GUCY1A2: variants seen among roughly 807,000 people sequenced by gnomAD.
GUCY1A2 encodes the protein guanylate cyclase 1 soluble subunit alpha 2.
In GUCY1A2, 27 loss-of-function variants were observed where a neutral mutation model predicts 63.5. The ratio of observed to expected loss-of-function variants is 0.43; its 90% CI spans 0.31 to 0.59. The LOEUF (loss-of-function observed/expected upper bound fraction) is 0.59, where lower values mean the gene tolerates loss of function less well. Ranked by LOEUF, GUCY1A2 falls within the 20% of genes least tolerant of loss-of-function variation. The pLI is 0.11. For missense variants in GUCY1A2, 768 were observed against 913.3 expected, an observed-to-expected ratio of 0.84 and a Z score of 2.05; for synonymous variants, 364 against 343.5, an observed-to-expected ratio of 1.06 and a Z score of -0.66.
intron 4 of GUCY1A2, among the ~76,000 whole-genome samples, chr11:106,895,478 G>A (rs890498123): frequency 1.3e-5 from 2 of 152,108 alleles, no homozygotes; most frequent in Non-Finnish European, 2.9e-5. Flanking sequence ...AATGAATCAT[G>A]GGGGCAGGTT....
At position 106,687,603 on chromosome 11, in the gene GUCY1A2, T is replaced by C. The variant is rs959526006; in HGVS notation, c.2145A>G (p.Ile715Met). The change falls in exon 8 of 8, where the codon ATA becomes ATG. Residue 715 changes from isoleucine (I) to methionine (M), a missense_variant. Physicochemically the swap from Ile to Met is conservative, Grantham distance 10. This residue lies in a region of GUCY1A2 where 150 missense variants were observed against 188.3 expected (regional missense o/e 0.80). Transcript: ENST00000526355. Reference sequence around the variant, plus strand: ...TGCCGATGTTGTAGGAAACCTTTTTTATTCTCGACGAAGAAAGAGAAGGCT... The same window carrying C: ...TGCCGATGTTGTAGGAAACCTTTTTCATTCTCGACGAAGAAAGAGAAGGCT... ...PPKPSLSSSR[I>M]KKVSYNIGTM... The C allele has an allele frequency of 1.2e-6, 2 of 1,614,036 alleles. No individual in the cohort carries two copies. Among genetic ancestry groups the C allele is most frequent in the Admixed American group, 1.7e-5 (1 of 60,000 alleles).
intron 6 of GUCY1A2, among the ~76,000 whole-genome samples, chr11:106,748,475 AAGG>A: frequency 6.6e-6 from 1 of 152,292 alleles, no homozygotes; most frequent in South Asian, 2.1e-4. Context: ...GAGGTAAAAG[AAGG>A]AGAACAGCAC....
chr11:106,775,499 A>G (rs1284886798), intron 6 of GUCY1A2, among the ~76,000 whole-genome samples: 1 of 149,696 alleles, frequency 6.7e-6, no homozygotes, highest in Non-Finnish European at 1.5e-5. Context: ...CAATCTACAC[A>G]CGTAGTGTAA....
rs1173166499 is a variant in GUCY1A2, at chr11:106,685,305, C to T, written c.*2244G>A. On this transcript the variant is annotated 3_prime_UTR_variant, in exon 8 of 8. Coordinates refer to ENST00000526355, the MANE Select transcript of GUCY1A2 (RefSeq NM_000855.3). ...TAAATTGAGATATATAAATACAATA[C>T]TTCTCTCCAGGCCTATCACTAGTAT... 4.8e-6 allele frequency: 1 copy of T among 206,896 alleles called. No homozygotes were observed. The highest frequency in any genetic ancestry group is 9.8e-6 in the Non-Finnish European group (1 of 101,532). The allele number at this position is 206,896 out of a possible 1,614,324, so 12.8% of individuals were successfully genotyped here.
intron 5 of GUCY1A2, among the ~76,000 whole-genome samples, chr11:106,800,509 C>G (rs1864855307): frequency 6.6e-6 from 1 of 152,058 alleles, no homozygotes; most frequent in African/African-American, 2.4e-5. Flanking sequence ...CAATGATAGA[C>G]TGGATTAAGA....
At chr11:106,769,789 G>GATCAGT (rs1476611073) in intron 6 of GUCY1A2, among the ~76,000 whole-genome samples, 2 of 151,958 alleles carry the variant, frequency 1.3e-5, no homozygotes, top group Non-Finnish European at 2.9e-5. Flanking sequence ...GGATAACTGG[G>GATCAGT]ATCAGTATCT....
intron 6 of GUCY1A2, among the ~76,000 whole-genome samples, chr11:106,750,576 C>T (rs574902986): frequency 2.5e-4 from 38 of 152,064 alleles, no homozygotes; most frequent in African/African-American, 9.2e-4. Flanking sequence ...GAAAACAGTA[C>T]CAATTCAAAC....
At chr11:106,901,547 GGTTT>G (rs1363339517) in intron 4 of GUCY1A2, among the ~76,000 whole-genome samples, 1 of 152,026 alleles carries the variant, frequency 6.6e-6, no homozygotes, top group African/African-American at 2.4e-5. Context: ...ACAACATGCA[GGTTT>G]GTTACATATG....
In GUCY1A2 at chr11:106,821,539, T is replaced by C. The variant is rs372738517; in HGVS notation, c.1207-11061A>G. Among the ~76,000 whole-genome samples the C allele has an allele frequency of 2.0e-4, 30 of 152,318 alleles. No homozygotes were observed. In the East Asian group the frequency reaches 4.6e-3, roughly 24 times the overall value. On this transcript the variant is annotated intron_variant, in intron 4 of 7. Transcript: ENST00000526355. ...GTGGGTTCTATTTCTACATATCTGG[T>C]GTATATAACTACACTTCAAGAAGCT...
In GUCY1A2 at chr11:106,681,883, T is replaced by C. The variant is rs907973677; in HGVS notation, c.*5666A>G. 4.7e-5 allele frequency: 10 copies of C among 213,952 alleles called. No homozygotes were observed. Among genetic ancestry groups the C allele is most frequent in the African/African-American group, 1.8e-4 (8 of 44,208 alleles). The allele number at this position is 213,952 out of a possible 1,614,324, so 13.3% of individuals were successfully genotyped here. ...TGTACAATTCAATATGAAAAGTACA[T>C]AGTGAGACTAAGTATTAAGTTGATG... On this transcript the variant is annotated 3_prime_UTR_variant, in exon 8 of 8. Transcript: ENST00000526355.
intron 7 of GUCY1A2, among the ~76,000 whole-genome samples, chr11:106,691,369 T>C (rs1014391946): frequency 4.6e-5 from 7 of 152,200 alleles, no homozygotes; most frequent in Admixed American, 6.5e-5. Context: ...GAACCACATA[T>C]AGCCATAGTT....
At chr11:107,016,830 G>A (rs1438176458) in intron 1 of GUCY1A2, among the ~76,000 whole-genome samples, 1 of 152,176 alleles carries the variant, frequency 6.6e-6, no homozygotes, top group African/African-American at 2.4e-5. Flanking sequence ...GCTAATGTGA[G>A]AGAGAAAGCA....
chr11:106,730,096 T>TATATATATA (rs1565271769), intron 6 of GUCY1A2, among the ~76,000 whole-genome samples: 1 of 96,112 alleles, frequency 1.0e-5, no homozygotes, highest in Non-Finnish European at 2.3e-5. Context: ...ATATATATAT[T>TATATATATA]ATAGTATATA....
At chr11:106,919,146 G>A (rs1185041680) in intron 4 of GUCY1A2, among the ~76,000 whole-genome samples, 4 of 152,014 alleles carry the variant, frequency 2.6e-5, no homozygotes, top group East Asian at 3.9e-4. Flanking sequence ...AAAAACAAGC[G>A]TGATTATATA....
chr11:106,973,170 G>T (rs1439168805), intron 3 of GUCY1A2, among the ~76,000 whole-genome samples: 1 of 152,078 alleles, frequency 6.6e-6, no homozygotes, highest in Non-Finnish European at 1.5e-5. Flanking sequence ...ATTATATGAT[G>T]ATATTCTTAA....
intron 4 of GUCY1A2, among the ~76,000 whole-genome samples, chr11:106,839,920 A>G (rs1033161300): frequency 7.3e-5 from 11 of 151,660 alleles, no homozygotes; most frequent in African/African-American, 2.4e-4. Context: ...ATGACGAGTT[A>G]ATGGGTGCAG....
At chr11:106,837,322 G>A (rs1395366121) in intron 4 of GUCY1A2, among the ~76,000 whole-genome samples, 2 of 151,824 alleles carry the variant, frequency 1.3e-5, no homozygotes. Flanking sequence ...TGCAAAGGAT[G>A]TGATGTAGTT....
At chr11:106,795,390 G>A (rs912380217) in intron 5 of GUCY1A2, among the ~76,000 whole-genome samples, 9 of 152,154 alleles carry the variant, frequency 5.9e-5, no homozygotes, top group Middle Eastern at 3.2e-3. Flanking sequence ...AGAGAAGCAC[G>A]AAGTTGCCCT....
intron 3 of GUCY1A2, among the ~76,000 whole-genome samples, chr11:106,953,329 G>A (rs1027117917): frequency 7.9e-5 from 12 of 152,138 alleles, no homozygotes; most frequent in African/African-American, 2.9e-4. Context: ...TTATGTTTAT[G>A]CATTTGCATA....
Sources: allele counts gnomAD v4.1 joint callset (sites outside exome capture counted in the v4.1 genomes callset), GRCh38; gene constraint gnomAD v4.1.1; regional missense constraint gnomAD v4.1.1; transcripts MANE v1.5; gene names NCBI Gene and HGNC (gene_info 2026-07-23, HGNC 2026-07-21).